The following PHF24 variants were observed in gnomAD, a reference collection of about 807,000 sequenced individuals.
PHF24 encodes PHD finger protein 24, also known as Galpha inhibitory interacting protein.
Under a neutral mutation model 42.6 loss-of-function variants are expected in PHF24, and 25 were observed. The observed-to-expected ratio is 0.59, with a 90% CI of 0.43 to 0.82. PHF24 has a LOEUF of 0.82. Ranked by LOEUF, PHF24 falls within the 40% of genes least tolerant of loss-of-function variation. The pLI is 0.00. For synonymous variants in PHF24, 185 were observed against 204.8 expected (o/e 0.90, Z 0.83); for missense variants, 470 against 538.1 (o/e 0.87, Z 1.25).
chr9:34,763,493 CTGTT>C, the PHF24 span, among the ~76,000 whole-genome samples: 32 of 152,210 alleles, frequency 2.1e-4, no homozygotes, highest in Admixed American at 2.1e-3. Context: ...ATTTGGCTCT[CTGTT>C]TGTCTGTTAT....
chr9:34,873,471 C>T, the PHF24 span, among the ~76,000 whole-genome samples: 95 of 150,872 alleles, frequency 6.3e-4, 1 homozygote, highest in South Asian at 8.4e-3. Flanking sequence ...AATCCTTTCC[C>T]CATTTCTTGT....
At chr9:34,709,517 G>A in the PHF24 span, 2 of 1,614,114 alleles carry the variant, frequency 1.2e-6, no homozygotes, top group Admixed American at 1.7e-5. Flanking sequence ...AGCCTTTGGA[G>A]CCCTTTCCTT....
chr9:34,801,151 G>C, the PHF24 span, among the ~76,000 whole-genome samples: 1 of 152,188 alleles, frequency 6.6e-6, no homozygotes, highest in African/African-American at 2.4e-5. Flanking sequence ...TCATTAAAAA[G>C]TCAGGAAACA....
the PHF24 span, among the ~76,000 whole-genome samples, chr9:34,935,330 A>G: frequency 1.3e-5 from 2 of 152,194 alleles, no homozygotes; most frequent in Admixed American, 1.3e-4. Context: ...TCATGCCTGT[A>G]ATCCCAGCAC....
chr9:34,741,219 AACAC>A, the PHF24 span, among the ~76,000 whole-genome samples: 5 of 149,916 alleles, frequency 3.3e-5, no homozygotes, highest in Non-Finnish European at 5.9e-5. Context: ...AAAGTTTAGA[AACAC>A]ACACACACAC....
the PHF24 span, among the ~76,000 whole-genome samples, chr9:34,671,815 C>T: frequency 7.4e-6 from 1 of 135,220 alleles, no homozygotes; most frequent in African/African-American, 3.1e-5. Flanking sequence ...CCTCATCCAT[C>T]CATCCATCCA....
the PHF24 span, among the ~76,000 whole-genome samples, chr9:34,828,158 C>T: frequency 2.0e-5 from 3 of 152,104 alleles, no homozygotes; most frequent in East Asian, 1.9e-4. Context: ...CCCAGCTCCC[C>T]ACTTGTCCCT....
the PHF24 span, chr9:34,691,037 T>C: frequency 6.8e-7 from 1 of 1,463,384 alleles, no homozygotes; most frequent in Non-Finnish European, 9.4e-7. Context: ...ATCTAGACAT[T>C]ACCCACTGCC....
the PHF24 span, among the ~76,000 whole-genome samples, chr9:34,739,926 C>T: frequency 2.0e-5 from 3 of 152,084 alleles, no homozygotes; most frequent in Non-Finnish European, 2.9e-5. Context: ...AAAGGTTCTC[C>T]ACCTCCCCAC....
the PHF24 span, chr9:34,922,078 C>A: frequency 9.7e-7 from 1 of 1,026,252 alleles, no homozygotes; most frequent in South Asian, 1.4e-5. Flanking sequence ...ATAGAAGTAA[C>A]ATAAACCTGT....
the PHF24 span, among the ~76,000 whole-genome samples, chr9:34,844,712 C>T: frequency 6.6e-6 from 1 of 152,168 alleles, no homozygotes; most frequent in Admixed American, 6.5e-5. Context: ...TTATTTCACT[C>T]TTCTTAAATT....
chr9:34,933,820 C>CTGGA, the PHF24 span, among the ~76,000 whole-genome samples: 1 of 151,418 alleles, frequency 6.6e-6, no homozygotes, highest in Non-Finnish European at 1.5e-5. Flanking sequence ...GTCACCCAGG[C>CTGGA]TGGAGTGCAG....
chr9:34,897,221 C>T, the PHF24 span, among the ~76,000 whole-genome samples: 1 of 152,164 alleles, frequency 6.6e-6, no homozygotes, highest in East Asian at 1.9e-4. Context: ...GTTCCTCCAC[C>T]AGACAGGAAT....
chr9:34,708,442 C>T, the PHF24 span, among the ~76,000 whole-genome samples: 5,873 of 152,232 alleles, frequency 0.039, 387 homozygotes, highest in African/African-American at 0.13. Flanking sequence ...GGTCAAGGCC[C>T]GAGCTTCACT....
At chr9:34,905,392 T>C in the PHF24 span, among the ~76,000 whole-genome samples, 1 of 152,218 alleles carries the variant, frequency 6.6e-6, no homozygotes, top group Non-Finnish European at 1.5e-5. Flanking sequence ...TTAAAACCTA[T>C]TTGTTGAATA....
chr9:34,915,026 C>CTTTTTTTTTT, the PHF24 span, among the ~76,000 whole-genome samples: 21 of 37,444 alleles, frequency 5.6e-4, no homozygotes, highest in East Asian at 1.4e-3. Context: ...TTTTTCTTTT[C>CTTTTTTTTTT]TTTTTTTTTT....
At chr9:34,907,387 A>G in the PHF24 span, among the ~76,000 whole-genome samples, 1 of 152,222 alleles carries the variant, frequency 6.6e-6, no homozygotes, top group Non-Finnish European at 1.5e-5. Context: ...TAATTACTCT[A>G]TTAATCATCC....
the PHF24 span, chr9:34,724,569 GT>G: frequency 6.5e-7 from 1 of 1,542,820 alleles, no homozygotes; most frequent in Non-Finnish European, 8.8e-7. Context: ...TGGAAGTTTA[GT>G]TTGGTCAAGA....
chr9:34,978,898 G>A (rs1048955494), exon 8 of PHF24: 9 of 152,172 alleles, frequency 5.9e-5, no homozygotes, highest in African/African-American at 2.2e-4. Flanking sequence ...CTTTAGCAGG[G>A]TAGTCAAAAA....
Sources: gnomAD v4.1 joint callset for allele counts (sites outside exome capture counted in the v4.1 genomes callset) on GRCh38, gnomAD v4.1.1 for gene constraint, MANE v1.5 for transcripts, NCBI Gene and HGNC (gene_info 2026-07-23, HGNC 2026-07-21) for gene names.